Variants in AGBL4 observed in about 807,000 individuals in gnomAD.
The protein encoded by AGBL4 is AGBL carboxypeptidase 4.
In AGBL4, 58 loss-of-function variants were observed where a neutral mutation model predicts 66.4. That is an observed-to-expected ratio of 0.87 (90% CI 0.71 to 1.09). The LOEUF (loss-of-function observed/expected upper bound fraction) is 1.09. AGBL4 is among the 50% of genes least tolerant of loss of function. The pLI is 0.00. For missense variants in AGBL4, 579 were observed against 631.0 expected (o/e 0.92, Z 0.88); for synonymous variants, 234 against 222.9 (o/e 1.05, Z -0.44).
intron 2 of AGBL4, among the ~76,000 whole-genome samples, chr1:49,843,289 G>A (rs1188721956): frequency 7.5e-6 from 1 of 133,110 alleles, no homozygotes; most frequent in Admixed American, 7.9e-5. Context: ...ACCATGCCTA[G>A]CTAATTTTGT....
intron 6 of AGBL4, among the ~76,000 whole-genome samples, chr1:48,854,540 C>T (rs1647102975): frequency 6.6e-6 from 1 of 152,134 alleles, no homozygotes; most frequent in Non-Finnish European, 1.5e-5. Context: ...CTTTATAATT[C>T]ATATACTTGG....
intron 6 of AGBL4, among the ~76,000 whole-genome samples, chr1:48,775,198 C>T (rs1015912725): frequency 3.9e-5 from 6 of 152,184 alleles, no homozygotes; most frequent in Non-Finnish European, 8.8e-5. Context: ...GCCTACACTT[C>T]GGTGTGCCAG....
chr1:49,179,924 G>A (rs1360485814), intron 4 of AGBL4, among the ~76,000 whole-genome samples: 3 of 150,122 alleles, frequency 2.0e-5, no homozygotes, highest in African/African-American at 7.4e-5. Flanking sequence ...TTTTTGAGAC[G>A]GAGTTTCGCT....
intron 3 of AGBL4, among the ~76,000 whole-genome samples, chr1:49,515,355 T>C (rs1649694134): frequency 6.6e-6 from 1 of 152,058 alleles, no homozygotes; most frequent in South Asian, 2.1e-4. Context: ...CTCACACTAG[T>C]TAGAATGGAC....
intron 4 of AGBL4, among the ~76,000 whole-genome samples, chr1:49,226,726 C>T (rs892075336): frequency 2.0e-5 from 3 of 152,174 alleles, no homozygotes; most frequent in Admixed American, 2.0e-4. Flanking sequence ...CCTTAGGTCC[C>T]CTTTTTTCCC....
chr1:48,817,970 G>T, intron 6 of AGBL4: 1 of 687,784 alleles, frequency 1.5e-6, no homozygotes, highest in Non-Finnish European at 2.7e-6. Flanking sequence ...TTTGTCCAGA[G>T]CCTCAGTGAC....
At chr1:49,617,347 T>C (rs1337676407) in intron 3 of AGBL4, among the ~76,000 whole-genome samples, 1 of 152,162 alleles carries the variant, frequency 6.6e-6, no homozygotes, top group East Asian at 1.9e-4. Flanking sequence ...ATATTCCCTG[T>C]ATACACTATT....
rs12058022 is a variant in AGBL4 at position 49,688,474 on chromosome 1, A to G, written c.282+8839T>C. On this transcript the variant is annotated intron_variant, in intron 3 of 13. Coordinates refer to ENST00000371839, the MANE Select transcript of AGBL4 (RefSeq NM_032785.4). ...GTGTACCATTTTTCTTTATCCATTCATCTGTTGACAGACACTTGAGTTACT... is the reference window on the plus strand; with the variant it reads ...GTGTACCATTTTTCTTTATCCATTCGTCTGTTGACAGACACTTGAGTTACT... 2.6e-3 allele frequency among the ~76,000 whole-genome samples: 401 copies of G among 152,206 alleles called. 5 individuals carry two copies. Among genetic ancestry groups the G allele is most frequent in the African/African-American group, 9.0e-3 (376 of 41,550 alleles).
chr1:49,703,264 C>CA (rs1647134987), intron 2 of AGBL4, among the ~76,000 whole-genome samples: 1 of 150,324 alleles, frequency 6.7e-6, no homozygotes, highest in African/African-American at 2.4e-5. Context: ...AATCCATATA[C>CA]AAAATCAATT....
chr1:49,033,565 TG>T (rs539159911), intron 5 of AGBL4, among the ~76,000 whole-genome samples: 66 of 152,214 alleles, frequency 4.3e-4, no homozygotes, highest in Non-Finnish European at 6.6e-4. Context: ...AATTGCCTTC[TG>T]CTCCTTGACT....
intron 1 of AGBL4, among the ~76,000 whole-genome samples, chr1:49,918,002 T>C (rs921656293): frequency 6.6e-6 from 1 of 152,120 alleles, no homozygotes; most frequent in East Asian, 1.9e-4. Flanking sequence ...CATAACGAAA[T>C]GAAGGCAGAA....
chr1:48,749,306 A>C (rs1308988619), intron 6 of AGBL4, among the ~76,000 whole-genome samples: 1 of 152,158 alleles, frequency 6.6e-6, no homozygotes, highest in Non-Finnish European at 1.5e-5. Context: ...CCTGACTAGA[A>C]CATAAACACC....
intron 6 of AGBL4, among the ~76,000 whole-genome samples, chr1:48,678,599 T>C (rs1646405899): frequency 6.6e-6 from 1 of 152,220 alleles, no homozygotes; most frequent in East Asian, 1.9e-4. Flanking sequence ...CATATGTGAA[T>C]GTTGAAGTGG....
chr1:49,413,706 A>G (rs1175790296), intron 3 of AGBL4, among the ~76,000 whole-genome samples: 1 of 152,200 alleles, frequency 6.6e-6, no homozygotes, highest in Non-Finnish European at 1.5e-5. Flanking sequence ...TGCAGCCACA[A>G]CAATCACAAT....
intron 4 of AGBL4, among the ~76,000 whole-genome samples, chr1:49,190,781 C>T (rs1016680673): frequency 2.0e-5 from 3 of 152,076 alleles, no homozygotes; most frequent in Non-Finnish European, 2.9e-5. Flanking sequence ...ATTATATGTG[C>T]TAACTTTGGA....
intron 5 of AGBL4, among the ~76,000 whole-genome samples, chr1:48,938,749 C>T (rs1170421402): frequency 2.0e-5 from 3 of 152,182 alleles, no homozygotes; most frequent in Admixed American, 6.5e-5. Context: ...CTATTTGGAA[C>T]GCCAAACTCC....
intron 4 of AGBL4, among the ~76,000 whole-genome samples, chr1:49,085,157 G>T (rs1433211593): frequency 6.6e-6 from 1 of 152,078 alleles, no homozygotes; most frequent in Admixed American, 6.6e-5. Flanking sequence ...AAACAAAAAA[G>T]CAGGAGAGCA....
chr1:49,069,328 T>C (rs757642562), intron 4 of AGBL4, among the ~76,000 whole-genome samples: 3 of 152,200 alleles, frequency 2.0e-5, no homozygotes, highest in Non-Finnish European at 2.9e-5. Context: ...CTGAATGGTA[T>C]TGCCTAGGAT....
chr1:49,158,559 G>C (rs1254696020), intron 4 of AGBL4, among the ~76,000 whole-genome samples: 4 of 152,118 alleles, frequency 2.6e-5, no homozygotes, highest in Non-Finnish European at 5.9e-5. Flanking sequence ...GTGGGGTGGA[G>C]AGCTCTGTAG....
Sources: allele counts gnomAD v4.1 joint callset (sites outside exome capture counted in the v4.1 genomes callset), GRCh38; gene constraint gnomAD v4.1.1; transcripts MANE v1.5; gene names NCBI Gene and HGNC (gene_info 2026-07-23, HGNC 2026-07-21).